The following PLXNA4 variants were observed in gnomAD, a reference collection of about 807,000 sequenced individuals.
PLXNA4 encodes plexin-A4.
PLXNA4 carries 44 observed loss-of-function variants against 191.8 expected under a neutral mutation model. The observed-to-expected ratio is 0.23, with a 90% CI of 0.18 to 0.29. The LOEUF (loss-of-function observed/expected upper bound fraction) is 0.29, where lower values mean the gene tolerates loss of function less well. Among genes scored for constraint, PLXNA4 ranks in the 10% least tolerant of loss-of-function variants. The pLI, the probability that PLXNA4 is intolerant of heterozygous loss-of-function variation, is 1.00. For missense variants in PLXNA4, 1,800 were observed against 2,488.8 expected (o/e 0.72, Z 5.89); for synonymous variants, 1,082 against 1,009.5 (o/e 1.07, Z -1.36).
chr7:132,583,142 T>G (rs995693938), intron 2 of PLXNA4, among the ~76,000 whole-genome samples: 1 of 152,216 alleles, frequency 6.6e-6, no homozygotes, highest in Non-Finnish European at 1.5e-5. Context: ...CAGAAAGTTG[T>G]GCCGAGTCCT....
intron 3 of PLXNA4, among the ~76,000 whole-genome samples, chr7:132,310,423 T>C (rs1203020882): frequency 1.3e-5 from 2 of 152,214 alleles, no homozygotes; most frequent in African/African-American, 2.4e-5. Context: ...CACCAGTTGC[T>C]TAATAGATGT....
intron 3 of PLXNA4, chr7:132,384,426 G>A (rs554154925): frequency 1.2e-4 from 118 of 985,498 alleles, no homozygotes; most frequent in Middle Eastern, 1.0e-3. Flanking sequence ...CCTCCCCACC[G>A]GCTCTATGGG....
intron 3 of PLXNA4, among the ~76,000 whole-genome samples, chr7:132,403,501 C>T (rs963720301): frequency 6.6e-6 from 1 of 152,176 alleles, no homozygotes; most frequent in Non-Finnish European, 1.5e-5. Context: ...GAAAGTCTTC[C>T]GTGGATCCTC....
chr7:132,165,280 C>T, intron 22 of PLXNA4, 80 bp from the exon 23 acceptor site: 1 of 1,541,038 alleles, frequency 6.5e-7, no homozygotes, highest in Non-Finnish European at 8.8e-7. Flanking sequence ...CTGGGAAGGG[C>T]AAGGGAGGAA....
intron 19 of PLXNA4, 37 bp downstream of exon 19, chr7:132,180,549 G>C: frequency 6.2e-7 from 1 of 1,612,994 alleles, no homozygotes; most frequent in Non-Finnish European, 8.5e-7. Context: ...CATCCCTACT[G>C]CCCGCTCCAT....
At chr7:132,258,701 TC>T (rs1035781975) in intron 4 of PLXNA4, among the ~76,000 whole-genome samples, 4 of 151,992 alleles carry the variant, frequency 2.6e-5, no homozygotes, top group Non-Finnish European at 4.4e-5. Flanking sequence ...CCCACACCCA[TC>T]CAGACCCCAG....
At chr7:132,315,633 A>T (rs565497287) in intron 3 of PLXNA4, among the ~76,000 whole-genome samples, 21 of 152,260 alleles carry the variant, frequency 1.4e-4, no homozygotes, top group African/African-American at 5.1e-4. Flanking sequence ...CCCACATCTC[A>T]CGCCCCTCCC....
At chr7:132,490,235 C>T (rs1225465511) in intron 2 of PLXNA4, among the ~76,000 whole-genome samples, 1 of 152,176 alleles carries the variant, frequency 6.6e-6, no homozygotes, top group Admixed American at 6.5e-5. Flanking sequence ...TCCATGGAAA[C>T]CCAGGTCCCC....
intron 2 of PLXNA4, among the ~76,000 whole-genome samples, chr7:132,591,544 T>A (rs1802603682): frequency 6.6e-6 from 1 of 152,220 alleles, no homozygotes; most frequent in Admixed American, 6.5e-5. Context: ...ATATACATAA[T>A]GCATTACAAC....
intron 9 of PLXNA4, among the ~76,000 whole-genome samples, chr7:132,220,743 G>A (rs1180310965): frequency 1.3e-5 from 2 of 151,496 alleles, no homozygotes; most frequent in Admixed American, 6.6e-5. Flanking sequence ...CTGGGTGCTT[G>A]AAGCCATCAT....
At position 132,173,991 on chromosome 7, in the gene PLXNA4, A is replaced by G. The variant is rs1177864332; in HGVS notation, c.4017+787T>C. 2.6e-5 allele frequency among the ~76,000 whole-genome samples: 4 copies of G among 152,338 alleles called. No homozygotes were observed. In the East Asian group the frequency reaches 7.7e-4, roughly 29 times the overall value. ...CTGGCCCCTTAGTTTTGTCACCTGTATAATGGGCTTACTTACTTCAGAGGC... is the reference window on the plus strand; with the variant it reads ...CTGGCCCCTTAGTTTTGTCACCTGTGTAATGGGCTTACTTACTTCAGAGGC... On this transcript the variant is annotated intron_variant, in intron 21 of 31. Transcript: ENST00000321063.
chr7:132,238,582 T>G (rs577179285), intron 5 of PLXNA4, among the ~76,000 whole-genome samples: 2 of 152,328 alleles, frequency 1.3e-5, no homozygotes, highest in East Asian at 1.9e-4. Context: ...CAACAACACT[T>G]GCACAGCCCC....
chr7:132,481,511 A>C (rs1057251872), intron 3 of PLXNA4, among the ~76,000 whole-genome samples: 27 of 146,166 alleles, frequency 1.8e-4, no homozygotes, highest in Non-Finnish European at 3.1e-4. Flanking sequence ...CATTTACCCC[A>C]CCCCCAAAAA....
At chr7:132,563,473 TTCTGCTGC>T (rs1801470635) in intron 1 of PLXNA4, among the ~76,000 whole-genome samples, 1 of 89,992 alleles carries the variant, frequency 1.1e-5, no homozygotes, top group Admixed American at 1.1e-4. Context: ...CTCCTCCTCC[TTCTGCTGC>T]TCCTCCTCCT....
At chr7:132,335,156 C>T (rs948553294) in intron 3 of PLXNA4, among the ~76,000 whole-genome samples, 2 of 152,182 alleles carry the variant, frequency 1.3e-5, no homozygotes, top group South Asian at 2.1e-4. Context: ...TGTTTAGTGA[C>T]TCCCAAGACT....
chr7:132,515,593 C>G (rs1015827652), intron 1 of PLXNA4, among the ~76,000 whole-genome samples: 3 of 152,312 alleles, frequency 2.0e-5, no homozygotes, highest in Admixed American at 6.5e-5. Flanking sequence ...TATGGTTTTA[C>G]AGATAGCGAG....
chr7:132,460,610 T>A (rs762757444), intron 3 of PLXNA4, among the ~76,000 whole-genome samples: 16 of 152,104 alleles, frequency 1.1e-4, no homozygotes, highest in Non-Finnish European at 2.1e-4. Flanking sequence ...CTGAGAAGTG[T>A]GGGACTGGAA....
chr7:132,380,715 G>C (rs1327843641), intron 3 of PLXNA4, among the ~76,000 whole-genome samples: 1 of 152,192 alleles, frequency 6.6e-6, no homozygotes, highest in Non-Finnish European at 1.5e-5. Context: ...CAAAACAGAT[G>C]ATGCTTTAGA....
Position 132,169,048 on chromosome 7 carries a change from C to T in PLXNA4, c.4018-476G>A, listed in dbSNP as rs796317743. Among the ~76,000 whole-genome samples, 49 of 152,284 alleles carry T rather than the reference C, an allele frequency of 3.2e-4. 1 individual carries two copies. Among genetic ancestry groups the T allele is most frequent in the African/African-American group, 1.1e-3 (44 of 41,556 alleles). Reference sequence around the variant, plus strand: ...GGTGCTGTTGATACACCAGTGGCCTCGGAGTCAGGACATCTGGGTTCCACG... The same window carrying T: ...GGTGCTGTTGATACACCAGTGGCCTTGGAGTCAGGACATCTGGGTTCCACG... On this transcript the variant is annotated intron_variant, in intron 21 of 31. Transcript: ENST00000321063.
Sources: allele counts gnomAD v4.1 joint callset (sites outside exome capture counted in the v4.1 genomes callset), GRCh38; gene constraint gnomAD v4.1.1; transcripts MANE v1.5; gene names NCBI Gene and HGNC (gene_info 2026-07-23, HGNC 2026-07-21).